Variants in SORT1 observed in about 807,000 individuals in gnomAD.
SORT1 encodes sortilin 1.
A neutral mutation model predicts 101.7 loss-of-function variants in SORT1; 39 were observed. The observed-to-expected ratio is 0.38, with a 90% CI of 0.30 to 0.50. SORT1 has a LOEUF of 0.50. Among genes scored for constraint, SORT1 ranks in the 20% least tolerant of loss-of-function variants. The pLI is 0.90. For missense variants in SORT1, 878 were observed against 1,040.4 expected (o/e 0.84, Z 2.15); for synonymous variants, 396 against 393.7 (o/e 1.01, Z -0.07).
intron 6 of SORT1, 80 bp from the exon 7 acceptor site, chr1:109,347,612 A>G: frequency 1.0e-6 from 1 of 990,360 alleles, no homozygotes; most frequent in Non-Finnish European, 1.6e-6. Flanking sequence ...CAAACTTCCT[A>G]GCAGGTCTAA....
intron 3 of SORT1, among the ~76,000 whole-genome samples, chr1:109,360,118 G>A (rs1650615216): frequency 6.6e-6 from 1 of 152,116 alleles, no homozygotes; most frequent in Non-Finnish European, 1.5e-5. Context: ...CTTAAGGCTG[G>A]GCATCCTCCC....
At chr1:109,344,981 G>A (rs1314872951) in intron 8 of SORT1, among the ~76,000 whole-genome samples, 1 of 152,088 alleles carries the variant, frequency 6.6e-6, no homozygotes, top group Non-Finnish European at 1.5e-5. Context: ...ACAAGTGTGA[G>A]CCACTACCCC....
At chr1:109,360,495 A>ATTTT (rs774193343) in intron 3 of SORT1, among the ~76,000 whole-genome samples, 1 of 132,162 alleles carries the variant, frequency 7.6e-6, no homozygotes, top group African/African-American at 2.8e-5. Flanking sequence ...ACCACACTCA[A>ATTTT]TTTTTTTTTT....
intron 1 of SORT1, among the ~76,000 whole-genome samples, chr1:109,385,102 A>C (rs963669198): frequency 6.6e-6 from 1 of 152,132 alleles, no homozygotes; most frequent in African/African-American, 2.4e-5. Context: ...CAACAAAAAG[A>C]AAAGAAATAG....
intron 11 of SORT1, among the ~76,000 whole-genome samples, chr1:109,333,417 A>G (rs1395124292): frequency 6.6e-6 from 1 of 152,228 alleles, no homozygotes; most frequent in East Asian, 1.9e-4. Flanking sequence ...GACAAATCAG[A>G]TTGTATCAAA....
At chr1:109,385,037 C>T (rs1189101470) in intron 1 of SORT1, among the ~76,000 whole-genome samples, 1 of 152,116 alleles carries the variant, frequency 6.6e-6, no homozygotes, top group African/African-American at 2.4e-5. Flanking sequence ...GAGATCACAA[C>T]ACTGCACTCC....
intron 8 of SORT1, among the ~76,000 whole-genome samples, chr1:109,343,902 T>C (rs969194032): frequency 1.3e-5 from 2 of 152,160 alleles, no homozygotes; most frequent in Non-Finnish European, 2.9e-5. Context: ...TTGCTCGTCT[T>C]AGCCTCCTAA....
intron 3 of SORT1, among the ~76,000 whole-genome samples, chr1:109,358,671 T>C (rs1468357749): frequency 2.6e-5 from 4 of 152,020 alleles, no homozygotes; most frequent in East Asian, 3.9e-4. Context: ...CTGGCCAAGA[T>C]GGTGAAACCC....
In SORT1 at chr1:109,333,472, G is replaced by C. The variant is rs561894565; in HGVS notation, c.1371+2768C>G. Among the ~76,000 whole-genome samples the C allele has an allele frequency of 1.0e-3, 156 of 151,994 alleles. 1 individual carries two copies. Among genetic ancestry groups the C allele is most frequent in the African/African-American group, 3.6e-3 (150 of 41,456 alleles). On this transcript the variant is annotated intron_variant, in intron 11 of 19. Transcript: ENST00000256637. ...TAAAGGAAACCACCAAAAGAGAGAA[G>C]ACAAACAATACACAGAATGGGAGAA...
intron 8 of SORT1, among the ~76,000 whole-genome samples, 170 bp downstream of exon 8, chr1:109,345,581 T>C (rs559883764): frequency 2.2e-4 from 32 of 148,786 alleles, no homozygotes; most frequent in Non-Finnish European, 4.3e-4. Context: ...AAGTGCAGAG[T>C]AGCCTATCAG....
intron 8 of SORT1, among the ~76,000 whole-genome samples, chr1:109,345,146 T>C (rs1649493174): frequency 2.6e-5 from 4 of 152,268 alleles, no homozygotes; most frequent in Admixed American, 1.3e-4. Context: ...TCTAATTGTA[T>C]TTTTATTCTT....
intron 1 of SORT1, among the ~76,000 whole-genome samples, chr1:109,396,352 C>A (rs193252642): frequency 1.8e-3 from 281 of 152,206 alleles, no homozygotes; most frequent in Admixed American, 3.7e-3. Flanking sequence ...TGTTGTAAAG[C>A]CTTTCTCAAT....
chr1:109,318,457 G>C (rs1237674889), intron 15 of SORT1, among the ~76,000 whole-genome samples: 1 of 152,116 alleles, frequency 6.6e-6, no homozygotes, highest in African/African-American at 2.4e-5. Context: ...GCCAGAGAGG[G>C]CCTTATTAAG....
At chr1:109,362,908 G>C (rs1439403975) in intron 3 of SORT1, among the ~76,000 whole-genome samples, 1 of 152,040 alleles carries the variant, frequency 6.6e-6, no homozygotes, top group Non-Finnish European at 1.5e-5. Context: ...AAACTGAACT[G>C]AGCATATCAT....
chr1:109,364,825 A>G (rs551832727), intron 3 of SORT1, among the ~76,000 whole-genome samples: 26 of 152,336 alleles, frequency 1.7e-4, no homozygotes, highest in African/African-American at 6.0e-4. Flanking sequence ...TAACAGCACC[A>G]AGCTATTACT....
rs767736108 is a variant in SORT1, at chr1:109,327,034, A to G, written c.1601T>C (p.Ile534Thr). ...YYTILDSGGI[I>T]VAIEHSSRPI... ...ACGGCTGCTGTGCTCAATGGCCACA[A>G]TGATGCCTCCAGAATCCAGGATGGT... Residue 534 changes from isoleucine (I) to threonine (T), a missense_variant, in exon 13 of 20, where the codon ATT becomes ACT. Coordinates refer to ENST00000256637, the MANE Select transcript of SORT1 (RefSeq NM_002959.7). 5.0e-6 allele frequency: 8 copies of G among 1,612,666 alleles called. No homozygotes were observed. Among genetic ancestry groups the G allele is most frequent in the East Asian group, 2.2e-5 (1 of 44,868 alleles).
intron 1 of SORT1, among the ~76,000 whole-genome samples, chr1:109,376,031 C>T (rs114190937): frequency 1.2e-3 from 177 of 152,192 alleles, no homozygotes; most frequent in African/African-American, 4.1e-3. Flanking sequence ...CTGTGAAAAG[C>T]GATTTGGAGA....
intron 11 of SORT1, among the ~76,000 whole-genome samples, chr1:109,333,773 A>C (rs1557789800): frequency 6.6e-6 from 1 of 152,344 alleles, no homozygotes; most frequent in South Asian, 2.1e-4. Context: ...CATGGAAAAA[A>C]GGGAACCCTG....
intron 1 of SORT1, among the ~76,000 whole-genome samples, chr1:109,383,953 G>A (rs1652409385): frequency 1.3e-5 from 2 of 152,182 alleles, no homozygotes; most frequent in African/African-American, 4.8e-5. Context: ...ACAAAACGCT[G>A]CGTGAAATTG....
Sources: allele counts gnomAD v4.1 joint callset (sites outside exome capture counted in the v4.1 genomes callset), GRCh38; gene constraint gnomAD v4.1.1; transcripts MANE v1.5; gene names NCBI Gene and HGNC (gene_info 2026-07-23, HGNC 2026-07-21).